Variants in GPR39 observed in about 807,000 individuals in gnomAD.
GPR39 encodes zinc sensing receptor.
A neutral mutation model predicts 18.4 loss-of-function variants in GPR39; 23 were observed. That is an observed-to-expected ratio of 1.25 (90% CI 0.90 to 1.77). GPR39 has a LOEUF of 1.77. Ranked by LOEUF, GPR39 falls within the 40% of genes most tolerant of loss-of-function variation. The pLI is 0.00. For missense variants in GPR39, 647 were observed against 602.4 expected, an observed-to-expected ratio of 1.07 and a Z score of -0.78; for synonymous variants, 280 against 257.9, an observed-to-expected ratio of 1.09 and a Z score of -0.82.
In GPR39 at chr2:132,645,740, C is replaced by T. The variant is rs1041007397; in HGVS notation, c.*134C>T. 1.6e-6 allele frequency: 2 copies of T among 1,252,742 alleles called. No homozygotes were observed. The highest frequency in any genetic ancestry group is 2.2e-6 in the Non-Finnish European group (2 of 920,128). The allele number at this position is 1,252,742 out of a possible 1,614,324, so 77.6% of individuals were successfully genotyped here. On this transcript the variant is annotated 3_prime_UTR_variant, in exon 2 of 2. Coordinates refer to ENST00000329321, the MANE Select transcript of GPR39 (RefSeq NM_001508.3). ...TGGAGGCTTTACAAAAGGCAGATGCCCACCTCAGTGACTTCTAAGGACTGA... is the reference window on the plus strand; with the variant it reads ...TGGAGGCTTTACAAAAGGCAGATGCTCACCTCAGTGACTTCTAAGGACTGA...
Position 132,445,915 on chromosome 2 carries a change from G to C in GPR39, c.856+28017G>C, listed in dbSNP as rs189403375. Among the ~76,000 whole-genome samples, 238 of 152,280 alleles carry C rather than the reference G, an allele frequency of 1.6e-3. 3 individuals are homozygous for C. Among genetic ancestry groups the C allele is most frequent in the African/African-American group, 5.6e-3 (234 of 41,556 alleles). Reference sequence around the variant, plus strand: ...TCAGGAGGAGACAGGGGCTTGTCTGGCATAGCCCACTATCATGGGCATTTC... The same window carrying C: ...TCAGGAGGAGACAGGGGCTTGTCTGCCATAGCCCACTATCATGGGCATTTC... On this transcript the variant is annotated intron_variant, in intron 1 of 1. Transcript: ENST00000329321.
intron 1 of GPR39, among the ~76,000 whole-genome samples, chr2:132,444,829 CA>C (rs1410923167): frequency 6.6e-6 from 1 of 152,100 alleles, no homozygotes; most frequent in Non-Finnish European, 1.5e-5. Context: ...AGTGGCCCTT[CA>C]AGGTTTGAAA....
At chr2:132,590,220 T>A (rs1342424738) in intron 1 of GPR39, among the ~76,000 whole-genome samples, 1 of 152,206 alleles carries the variant, frequency 6.6e-6, no homozygotes, top group Non-Finnish European at 1.5e-5. Flanking sequence ...TGGATTTCAC[T>A]GCTAGCATTT....
chr2:132,535,975 A>G (rs3109126), intron 1 of GPR39, among the ~76,000 whole-genome samples: 2,844 of 143,560 alleles, frequency 0.02, 97 homozygotes, highest in African/African-American at 0.07. Context: ...TTTTATTAGT[A>G]TAGCTAGCAG....
intron 1 of GPR39, among the ~76,000 whole-genome samples, chr2:132,460,588 A>G (rs766692675): frequency 2.0e-5 from 3 of 152,222 alleles, no homozygotes; most frequent in African/African-American, 4.8e-5. Flanking sequence ...TAGGAGACTC[A>G]GTGGAACAAA....
At position 132,496,070 on chromosome 2, in the gene GPR39, G is replaced by A. The variant is rs143209246; in HGVS notation, c.856+78172G>A. On this transcript the variant is annotated intron_variant, in intron 1 of 1. Transcript: ENST00000329321. The stretch of plus-strand genomic sequence containing the variant: ...TTTTCACCCCTGCCAGAAAACAGCC[G>A]CTGGGAAGGTTTGGGAAACCAGTCT... 2.0e-5 allele frequency among the ~76,000 whole-genome samples: 3 copies of A among 152,214 alleles called. No individual in the cohort carries two copies. The East Asian group carries it at 5.8e-4, about 29-fold the overall frequency.
At chr2:132,463,661 A>G (rs2104778525) in intron 1 of GPR39, among the ~76,000 whole-genome samples, 1 of 152,292 alleles carries the variant, frequency 6.6e-6, no homozygotes, top group South Asian at 2.1e-4. Flanking sequence ...GAGTGCAGAG[A>G]GAGGTTCAAG....
chr2:132,583,336 A>G (rs1188518600), intron 1 of GPR39, among the ~76,000 whole-genome samples: 1 of 151,828 alleles, frequency 6.6e-6, no homozygotes, highest in Non-Finnish European at 1.5e-5. Flanking sequence ...CTGTTAGCAA[A>G]CACTCCTTCC....
intron 1 of GPR39, among the ~76,000 whole-genome samples, chr2:132,492,536 TAC>T (rs1681500190): frequency 7.0e-6 from 1 of 142,002 alleles, no homozygotes; most frequent in African/African-American, 2.6e-5. Context: ...ACCATATATA[TAC>T]ACCATATATA....
chr2:132,576,719 T>C (rs547731385), intron 1 of GPR39, among the ~76,000 whole-genome samples: 1 of 152,292 alleles, frequency 6.6e-6, no homozygotes, highest in South Asian at 2.1e-4. Context: ...AAATTTTTTT[T>C]CTAAAATTTT....
At chr2:132,492,834 CACACCATATAT>C (rs1286619809) in intron 1 of GPR39, among the ~76,000 whole-genome samples, 6 of 136,250 alleles carry the variant, frequency 4.4e-5, no homozygotes, top group South Asian at 2.3e-4. Context: ...ATACCATATA[CACACCATATAT>C]ACACCATATA....
chr2:132,493,544 T>C (rs76737901), intron 1 of GPR39, among the ~76,000 whole-genome samples: 1 of 147,854 alleles, frequency 6.8e-6, no homozygotes, highest in East Asian at 2.0e-4. Context: ...ACCATATATA[T>C]ATATATGGTA....
intron 1 of GPR39, among the ~76,000 whole-genome samples, chr2:132,606,589 G>A (rs1444250234): frequency 6.6e-6 from 1 of 152,228 alleles, no homozygotes; most frequent in African/African-American, 2.4e-5. Context: ...ATTACAGTGT[G>A]CTCCTTCAGC....
intron 1 of GPR39, among the ~76,000 whole-genome samples, chr2:132,623,344 G>C (rs1445884130): frequency 6.6e-6 from 1 of 152,118 alleles, no homozygotes; most frequent in Non-Finnish European, 1.5e-5. Context: ...CCACGCTCCT[G>C]ATACCGTTGA....
intron 1 of GPR39, among the ~76,000 whole-genome samples, chr2:132,422,872 C>T (rs1425233598): frequency 6.6e-6 from 1 of 151,968 alleles, no homozygotes; most frequent in East Asian, 1.9e-4. Context: ...ATCCCAGTCC[C>T]CATTTATTAG....
intron 1 of GPR39, among the ~76,000 whole-genome samples, chr2:132,505,057 A>G (rs1277490048): frequency 6.6e-6 from 1 of 152,032 alleles, no homozygotes; most frequent in African/African-American, 2.4e-5. Flanking sequence ...AAATACCTAA[A>G]ACTGGATAAT....
chr2:132,550,219 G>A (rs1309557050), intron 1 of GPR39, among the ~76,000 whole-genome samples: 2 of 152,106 alleles, frequency 1.3e-5, no homozygotes, highest in Admixed American at 6.5e-5. Context: ...AAAGATCAAG[G>A]ACAGAAACAC....
chr2:132,527,430 A>G (rs1283305233), intron 1 of GPR39, among the ~76,000 whole-genome samples: 1 of 152,172 alleles, frequency 6.6e-6, no homozygotes, highest in East Asian at 1.9e-4. Flanking sequence ...TAGTAGAATG[A>G]TTTACGTTCG....
intron 1 of GPR39, among the ~76,000 whole-genome samples, chr2:132,633,901 GATA>G (rs532360426): frequency 9.6e-4 from 146 of 151,904 alleles, no homozygotes; most frequent in African/African-American, 3.4e-3. Flanking sequence ...AGGTGGAGGT[GATA>G]ATAATGGTGG....
Sources: allele counts gnomAD v4.1 joint callset (sites outside exome capture counted in the v4.1 genomes callset), GRCh38; gene constraint gnomAD v4.1.1; transcripts MANE v1.5; gene names NCBI Gene and HGNC (gene_info 2026-07-23, HGNC 2026-07-21).